Variants in RGS10 observed in about 807,000 individuals in gnomAD.
RGS10 encodes the protein regulator of G protein signaling 10, also known as regulator of G-protein signalling 10.
RGS10 carries 11 observed loss-of-function variants against 23.5 expected under a neutral mutation model. That is an observed-to-expected ratio of 0.47 (90% CI 0.29 to 0.77). The LOEUF is 0.77. RGS10 is among the 30% of genes least tolerant of loss of function. The pLI is 0.08. For synonymous variants in RGS10, 77 were observed against 83.2 expected (o/e 0.92, Z 0.41); for missense variants, 180 against 226.3 (o/e 0.80, Z 1.31).
rs562696213 is a variant in RGS10, at chr10:119,529,934, A to G, written c.50-2510T>C. Among the ~76,000 whole-genome samples the G allele has an allele frequency of 1.1e-4, 17 of 152,214 alleles. 1 individual carries two copies. The South Asian group carries it at 3.1e-3, about 28-fold the overall frequency. ...TGGTGAAACCCTGTCTCTACTAAAA[A>G]TACAAAAATTTGCTGGGCATGGTGG... is the stretch of plus-strand genomic sequence containing the variant. On this transcript the variant is annotated intron_variant, in intron 1 of 4. Transcript: ENST00000369103.
intron 1 of RGS10, among the ~76,000 whole-genome samples, chr10:119,534,626 C>A (rs1031009169): frequency 2.2e-5 from 3 of 137,992 alleles, no homozygotes; most frequent in African/African-American, 8.2e-5. Flanking sequence ...CGCGGTGGCT[C>A]ACGCCTGTAA....
intron 3 of RGS10, among the ~76,000 whole-genome samples, chr10:119,520,834 T>TAAAAAAAA (rs1844204635): frequency 7.2e-6 from 1 of 138,338 alleles, no homozygotes; most frequent in African/African-American, 2.7e-5. Flanking sequence ...AATTAAAAAA[T>TAAAAAAAA]AGGAAGAATA....
intron 1 of RGS10, among the ~76,000 whole-genome samples, chr10:119,533,192 C>T (rs1337781809): frequency 1.3e-5 from 2 of 151,332 alleles, no homozygotes; most frequent in East Asian, 3.9e-4. Flanking sequence ...ATTAGCCGGG[C>T]ATGGTGGCAC....
At chr10:119,523,298 C>T (rs529191574) in intron 3 of RGS10, among the ~76,000 whole-genome samples, 7 of 152,286 alleles carry the variant, frequency 4.6e-5, no homozygotes, top group South Asian at 4.1e-4. Flanking sequence ...CAGGCAGTGA[C>T]AGGAGGGTGG....
intron 4 of RGS10, among the ~76,000 whole-genome samples, chr10:119,501,468 A>T (rs1008274087): frequency 1.3e-5 from 2 of 152,142 alleles, no homozygotes; most frequent in African/African-American, 4.8e-5. Flanking sequence ...CACACCTGTA[A>T]TCCCAGCACT....
chr10:119,499,822 C>T lies in RGS10; in HGVS notation c.*291G>A. 1 of 291,852 alleles carries T rather than the reference C, an allele frequency of 3.4e-6. No homozygotes were observed. The highest frequency in any genetic ancestry group is 5.0e-5 in the South Asian group (1 of 19,956). The allele number at this position is 291,852 out of a possible 1,614,324, so 18.1% of individuals were successfully genotyped here. ...GTAAAAGGTAGTGTGATACGTTTCACCTTGTGGCCTTACATGAGGTTTAAT... is the reference window on the plus strand; with the variant it reads ...GTAAAAGGTAGTGTGATACGTTTCATCTTGTGGCCTTACATGAGGTTTAAT... On this transcript the variant is annotated 3_prime_UTR_variant, in exon 5 of 5. Coordinates refer to ENST00000369103, the MANE Select transcript of RGS10 (RefSeq NM_001005339.2).
chr10:119,502,667 G>A (rs910247971), intron 4 of RGS10, among the ~76,000 whole-genome samples: 2 of 152,102 alleles, frequency 1.3e-5, no homozygotes, highest in Admixed American at 6.5e-5. Flanking sequence ...GGCAGGACTC[G>A]ACCCCGAGAT....
At chr10:119,520,439 CCCCCAGGTCCTCCA>C (rs1416975564) in intron 3 of RGS10, among the ~76,000 whole-genome samples, 1 of 152,042 alleles carries the variant, frequency 6.6e-6, no homozygotes, top group African/African-American at 2.4e-5. Context: ...AGCCATCAGA[CCCCCAGGTCCTCCA>C]CCCCAGGTCC....
rs763493543 is a variant in RGS10 at position 119,527,417 on chromosome 10, G to A, written c.57C>T (p.His19=). The change falls in exon 2 of 5, where the codon CAC becomes CAT. Residue 19 remains histidine (H), a synonymous_variant. Coordinates refer to ENST00000369103, the MANE Select transcript of RGS10 (RefSeq NM_001005339.2). The surrounding 1 kb of genome is among the most constrained non-coding windows in gnomAD (Gnocchi z 4.2). ...LSRKRPPSDI[H]DSDGSSSSSH... is the part of the protein sequence containing the mutation. ...TGCTGCTGGAACTGCCATCGCTGTC[G>A]TGGATGTCTGCAAAGCAAAGTTCAG... The A allele has an allele frequency of 1.7e-5, 27 of 1,613,690 alleles. No individual in the cohort carries two copies. The highest frequency in any genetic ancestry group is 3.3e-5 in the Admixed American group (2 of 60,002).
intron 4 of RGS10, among the ~76,000 whole-genome samples, chr10:119,503,001 C>T (rs759930087): frequency 1.3e-4 from 20 of 152,154 alleles, no homozygotes; most frequent in Admixed American, 7.2e-4. Flanking sequence ...CACCGGCCAA[C>T]GACCCCCTGG....
At position 119,500,219 on chromosome 10, in the gene RGS10, A is replaced by C; in HGVS notation, c.440T>G (p.Leu147Ter). 2 of 1,614,022 alleles carry C rather than the reference A, an allele frequency of 1.2e-6. No homozygotes were observed. The highest frequency in any genetic ancestry group is 1.7e-6 in the Non-Finnish European group (2 of 1,180,006). ...LMKYDSYSRF[L>*]KSDLFLKHKR... ...GTGTTTTAAAAACAAGTCAGACTTT[A>C]AGAAGCGGCTGTAGCTGTCGTACTT... Residue 147 changes from leucine to a stop codon, truncating the protein, a stop_gained, in exon 5 of 5, where the codon TTA becomes TGA. Transcript: ENST00000369103. LOFTEE classifies it high-confidence loss of function.
rs1844405719 is a variant in RGS10, at chr10:119,538,086, T to A, written c.49+4504A>T. 6.6e-6 allele frequency among the ~76,000 whole-genome samples: 1 copy of A among 151,618 alleles called. No homozygotes were observed. The highest frequency in any genetic ancestry group is 1.5e-5 in the Non-Finnish European group (1 of 68,026). ...TGATAAAGGTGTTTGATGATGGCTT[T>A]GTTTGTTTCTAATGTCCTGACTACA... On this transcript the variant is annotated intron_variant, in intron 1 of 4. Coordinates refer to ENST00000369103, the MANE Select transcript of RGS10 (RefSeq NM_001005339.2). The surrounding 1 kb of genome is among the most constrained non-coding windows in gnomAD (Gnocchi z 4.5).
intron 3 of RGS10, among the ~76,000 whole-genome samples, chr10:119,523,171 A>C (rs1344046646): frequency 1.3e-5 from 2 of 152,126 alleles, no homozygotes; most frequent in African/African-American, 4.8e-5. Flanking sequence ...GCTGCCGCTT[A>C]ACCACTCAAG....
At chr10:119,526,235 T>G (rs770103012) in intron 2 of RGS10, 117 bp from the exon 3 acceptor site, 31 of 515,692 alleles carry the variant, frequency 6.0e-5, no homozygotes, top group Non-Finnish European at 1.0e-4. Flanking sequence ...CATGGTTCAG[T>G]TACTCTTCGA....
At chr10:119,509,961 G>A (rs1015664443) in intron 4 of RGS10, among the ~76,000 whole-genome samples, 23 of 152,082 alleles carry the variant, frequency 1.5e-4, no homozygotes, top group South Asian at 8.3e-4. Flanking sequence ...AGGGGGAAGG[G>A]GGGAGAGGGG....
At position 119,517,808 on chromosome 10, in the gene RGS10, A is replaced by T. The variant is rs1844163576; in HGVS notation, c.256-2156T>A. 6.6e-6 allele frequency among the ~76,000 whole-genome samples: 1 copy of T among 152,216 alleles called. No homozygotes were observed. Among genetic ancestry groups the T allele is most frequent in the Non-Finnish European group, 1.5e-5 (1 of 68,038 alleles). On this transcript the variant is annotated intron_variant, in intron 3 of 4. Coordinates refer to ENST00000369103, the MANE Select transcript of RGS10 (RefSeq NM_001005339.2). The surrounding 1 kb of genome is among the most constrained non-coding windows in gnomAD (Gnocchi z 5.0). ...GGTGGGGCAGAAGAGGCCGGGGGAG[A>T]GGAAGTAGGTTCCAGTGACTGCAGG...
intron 1 of RGS10, among the ~76,000 whole-genome samples, chr10:119,537,213 A>G (rs537327718): frequency 6.6e-6 from 1 of 151,768 alleles, no homozygotes; most frequent in East Asian, 1.9e-4. Context: ...ACCAATGTGG[A>G]GAAACCTAAA....
chr10:119,540,807 G>A (rs988407784), intron 1 of RGS10, among the ~76,000 whole-genome samples: 1 of 152,156 alleles, frequency 6.6e-6, no homozygotes, highest in Non-Finnish European at 1.5e-5. Context: ...ACAGGCAAAA[G>A]GGAGAAAAGC....
Position 119,517,111 on chromosome 10 carries a change from G to C in RGS10, c.256-1459C>G, listed in dbSNP as rs1844152898. Among the ~76,000 whole-genome samples the C allele has an allele frequency of 6.6e-6, 1 of 152,228 alleles. No individual in the cohort carries two copies. The highest frequency in any genetic ancestry group is 2.4e-5 in the African/African-American group (1 of 41,464). On this transcript the variant is annotated intron_variant, in intron 3 of 4. Coordinates refer to ENST00000369103, the MANE Select transcript of RGS10 (RefSeq NM_001005339.2). The surrounding 1 kb of genome is among the most constrained non-coding windows in gnomAD (Gnocchi z 5.0). Reference sequence around the variant, plus strand: ...AAATCCCAAGCTCTGCAAACCTTCTGCCCTTAAGGAAACCACCAGAAGGTT... The same window carrying C: ...AAATCCCAAGCTCTGCAAACCTTCTCCCCTTAAGGAAACCACCAGAAGGTT...
Sources: allele counts gnomAD v4.1 joint callset (sites outside exome capture counted in the v4.1 genomes callset), GRCh38; gene constraint gnomAD v4.1.1; non-coding constraint Gnocchi (gnomAD v3.1); transcripts MANE v1.5; gene names NCBI Gene and HGNC (gene_info 2026-07-23, HGNC 2026-07-21).